The following PRELID2 variants were observed in gnomAD, a reference collection of about 807,000 sequenced individuals.
PRELID2 encodes the protein PRELI domain-containing protein 2.
Under a neutral mutation model 28.4 loss-of-function variants are expected in PRELID2, and 25 were observed. The observed-to-expected ratio is 0.88, with a 90% CI of 0.64 to 1.23. The LOEUF (loss-of-function observed/expected upper bound fraction) is 1.23. PRELID2 is among the 50% of genes most tolerant of loss of function. The pLI, the probability that PRELID2 is intolerant of heterozygous loss-of-function variation, is 0.00. For synonymous variants in PRELID2, 76 were observed against 71.6 expected (o/e 1.06, Z -0.31); for missense variants, 201 against 214.4 (o/e 0.94, Z 0.39).
chr5:145,665,372 T>C (rs911650945), intron 1 of PRELID2, among the ~76,000 whole-genome samples: 9 of 152,048 alleles, frequency 5.9e-5, no homozygotes, highest in African/African-American at 1.9e-4. Flanking sequence ...GGTGGTCAAT[T>C]AGCAGTCTGC....
At chr5:145,305,415 C>T in the PRELID2 span, among the ~76,000 whole-genome samples, 10 of 152,240 alleles carry the variant, frequency 6.6e-5, no homozygotes, top group East Asian at 1.9e-3. Flanking sequence ...CACATGACTG[C>T]CCTTCCTACC....
the PRELID2 span, among the ~76,000 whole-genome samples, chr5:145,426,992 G>A: frequency 6.6e-6 from 1 of 152,190 alleles, no homozygotes; most frequent in African/African-American, 2.4e-5. Flanking sequence ...AAATCTCTGA[G>A]TAACTGAATT....
chr5:145,612,558 C>T (rs1012122327), intron 1 of PRELID2, among the ~76,000 whole-genome samples: 4 of 152,118 alleles, frequency 2.6e-5, no homozygotes, highest in African/African-American at 9.7e-5. Context: ...GTGCACCCAT[C>T]ACCCAAGCAG....
chr5:145,743,197 T>TC (rs1414660397), intron 1 of PRELID2, among the ~76,000 whole-genome samples: 1 of 151,124 alleles, frequency 6.6e-6, no homozygotes, highest in Non-Finnish European at 1.5e-5. Flanking sequence ...TCACCTGAGG[T>TC]CAGGAGTTCA....
intron 1 of PRELID2, among the ~76,000 whole-genome samples, chr5:145,676,160 C>T (rs1025994025): frequency 1.6e-4 from 23 of 144,436 alleles, no homozygotes; most frequent in African/African-American, 4.9e-4. Context: ...GCAGAGGTTG[C>T]GGTGAGCCCA....
chr5:145,676,204 G>A (rs1169946466), intron 1 of PRELID2, among the ~76,000 whole-genome samples: 3 of 120,290 alleles, frequency 2.5e-5, no homozygotes, highest in African/African-American at 6.3e-5. Flanking sequence ...TGGGCAACAA[G>A]AGCGAAACTC....
At chr5:145,585,350 A>C (rs377500349) in intron 1 of PRELID2, among the ~76,000 whole-genome samples, 3 of 152,226 alleles carry the variant, frequency 2.0e-5, no homozygotes, top group East Asian at 1.9e-4. Flanking sequence ...CTTAATACCT[A>C]GGTGATGGGA....
At chr5:145,772,894 T>C (rs1292634831) in intron 5 of PRELID2, among the ~76,000 whole-genome samples, 2 of 152,240 alleles carry the variant, frequency 1.3e-5, no homozygotes, top group African/African-American at 2.4e-5. Context: ...ACAAACTGTT[T>C]TAAAGACAAT....
intron 1 of PRELID2, among the ~76,000 whole-genome samples, chr5:145,595,454 C>T (rs1478268964): frequency 2.0e-5 from 3 of 152,140 alleles, no homozygotes; most frequent in Non-Finnish European, 2.9e-5. Flanking sequence ...ATTGCAGAAA[C>T]TGGCAAAGCT....
the PRELID2 span, among the ~76,000 whole-genome samples, chr5:145,242,356 T>A: frequency 6.6e-6 from 1 of 152,090 alleles, no homozygotes; most frequent in East Asian, 1.9e-4. Context: ...ATCAAATGAA[T>A]CTTTCTAAAT....
At position 145,827,769 on chromosome 5, in the gene PRELID2, C is replaced by T. The variant is rs116001540; in HGVS notation, c.76-4635G>A. Among the ~76,000 whole-genome samples the T allele has an allele frequency of 4.9e-3, 740 of 152,166 alleles. 8 individuals carry two copies. The highest frequency in any genetic ancestry group is 0.015 in the African/African-American group (616 of 41,514). The stretch of plus-strand genomic sequence containing the variant: ...AGCACTCTTCAAAATCACCATGGTC[C>T]GGAAATGCAAGGAAAGACTGAGGAA... On this transcript the variant is annotated intron_variant, in intron 1 of 6. Transcript: ENST00000683046.
intron 1 of PRELID2, among the ~76,000 whole-genome samples, chr5:145,637,062 C>T (rs1168106451): frequency 1.3e-5 from 2 of 151,956 alleles, no homozygotes; most frequent in African/African-American, 4.8e-5. Flanking sequence ...GGTCATATGC[C>T]TCAGATGGGA....
rs1037477070 is a variant in PRELID2 at position 145,835,206 on chromosome 5, C to G, written c.46G>C (p.Glu16Gln). The G allele has an allele frequency of 1.6e-5, 25 of 1,550,434 alleles. No individual in the cohort carries two copies. The highest frequency in any genetic ancestry group is 2.4e-5 in the South Asian group (2 of 83,926). ...CGGAGAAAGCTGGCGACCACCTGCT[C>G]GAAGGGGTACTTGTACACCTGGTGC... The part of the protein sequence containing the change: ...DVHQVYKYPF[E>Q]QVVASFLRKY... Residue 16 changes from glutamate to glutamine, a missense_variant, in exon 1 of 7, where the codon GAG becomes CAG. By Grantham distance (29) the Glu-to-Gln change is conservative. Coordinates refer to ENST00000683046, the MANE Select transcript of PRELID2 (RefSeq NM_205846.3).
chr5:145,715,204 T>C (rs1184568089), intron 1 of PRELID2, among the ~76,000 whole-genome samples: 1 of 152,154 alleles, frequency 6.6e-6, no homozygotes, highest in Non-Finnish European at 1.5e-5. Context: ...TCTTCAGTCA[T>C]CTTCAGTATA....
intron 5 of PRELID2, among the ~76,000 whole-genome samples, chr5:145,791,551 G>A (rs1210011043): frequency 2.6e-5 from 4 of 152,084 alleles, no homozygotes; most frequent in Non-Finnish European, 5.9e-5. Context: ...AAGTAGAATG[G>A]TGGTTGCCAG....
the PRELID2 span, among the ~76,000 whole-genome samples, chr5:145,351,692 T>C: frequency 6.6e-6 from 1 of 151,966 alleles, no homozygotes; most frequent in Admixed American, 6.6e-5. Flanking sequence ...AGCCCAAAAG[T>C]CCAAGTCCCA....
At chr5:145,313,748 C>T in the PRELID2 span, among the ~76,000 whole-genome samples, 8 of 152,220 alleles carry the variant, frequency 5.3e-5, no homozygotes, top group African/African-American at 1.9e-4. Flanking sequence ...CCCTCACTTC[C>T]CAAAGAGTTG....
At chr5:145,462,869 A>T in the PRELID2 span, among the ~76,000 whole-genome samples, 1 of 152,176 alleles carries the variant, frequency 6.6e-6, no homozygotes, top group African/African-American at 2.4e-5. Flanking sequence ...TACTAGCCCC[A>T]GGTTACTAGA....
intron 5 of PRELID2, among the ~76,000 whole-genome samples, chr5:145,789,338 A>T (rs574418463): frequency 6.6e-6 from 1 of 152,304 alleles, no homozygotes; most frequent in Admixed American, 6.5e-5. Flanking sequence ...ACCAGAAATG[A>T]ACCTGCGCAT....
Sources: gnomAD v4.1 joint callset for allele counts (sites outside exome capture counted in the v4.1 genomes callset) on GRCh38, gnomAD v4.1.1 for gene constraint, MANE v1.5 for transcripts, NCBI Gene and HGNC (gene_info 2026-07-23, HGNC 2026-07-21) for gene names.